DNAAF5: variants seen among roughly 807,000 people sequenced by gnomAD.
DNAAF5 encodes the protein HEAT repeat containing 2.
In DNAAF5, 64 loss-of-function variants were observed where a neutral mutation model predicts 75.8. That is an observed-to-expected ratio of 0.84 (90% confidence interval 0.69 to 1.04). DNAAF5 has a LOEUF of 1.04. Ranked by LOEUF, DNAAF5 falls within the 50% of genes least tolerant of loss-of-function variation. The probability of loss-of-function intolerance (pLI) is 0.00; values close to 1 mark genes in which losing one functional copy is unlikely to be tolerated. For missense variants in DNAAF5, 1,269 were observed against 1,178.5 expected, an observed-to-expected ratio of 1.08 and a Z score of -1.12; for synonymous variants, 657 against 557.2, an observed-to-expected ratio of 1.18 and a Z score of -2.52.
chr7:758,049 G>A (rs566676349), intron 6 of DNAAF5, among the ~76,000 whole-genome samples: 1 of 152,248 alleles, frequency 6.6e-6, no homozygotes, highest in South Asian at 2.1e-4. Context: ...AACGGAGCTG[G>A]GGTAAGGAAG....
chr7:732,293 C>T (rs1781611438), intron 2 of DNAAF5, among the ~76,000 whole-genome samples: 1 of 152,260 alleles, frequency 6.6e-6, no homozygotes, highest in South Asian at 2.1e-4. Context: ...ACACTGACCA[C>T]ACCCAGAACC....
chr7:779,368 G>A (rs1481734626), intron 11 of DNAAF5, among the ~76,000 whole-genome samples: 2 of 152,234 alleles, frequency 1.3e-5, no homozygotes. Context: ...ATTTCCGGAT[G>A]CTGCACAGAA....
Position 754,702 on chromosome 7 carries a change from G to A in DNAAF5, c.1138G>A (p.Ala380Thr), listed in dbSNP as rs199585063. ...GGTGGTGGGGACCCGAGTGAAGTCG[G>A]CACAGCTGCTCCCAGTGCTGCTGCT... Reference protein sequence around the residue: ...DWVVGTRVKSAQLLPVLLLHA... With the variant: ...DWVVGTRVKSTQLLPVLLLHA... Residue 380 changes from alanine to threonine, a missense_variant, in exon 5 of 13, where the codon GCA becomes ACA. Coordinates refer to ENST00000297440, the MANE Select transcript of DNAAF5 (RefSeq NM_017802.4). The surrounding 1 kb of genome is among the most constrained non-coding windows in gnomAD (Gnocchi z 4.8). 1.6e-5 allele frequency: 26 copies of A among 1,613,842 alleles called. No individual in the cohort carries two copies. Among genetic ancestry groups the A allele is most frequent in the South Asian group, 1.1e-5 (1 of 91,094 alleles).
chr7:760,692 G>A (rs749732740), intron 6 of DNAAF5, among the ~76,000 whole-genome samples: 2 of 152,184 alleles, frequency 1.3e-5, no homozygotes, highest in Non-Finnish European at 1.5e-5. Flanking sequence ...GTAAGCACAC[G>A]CAAAGCCTTA....
chr7:770,549 T>C lies in DNAAF5; in HGVS notation c.1862T>C (p.Met621Thr), dbSNP rs1197760313. The C allele has an allele frequency of 6.2e-7, 1 of 1,613,856 alleles. No homozygotes were observed. The highest frequency in any genetic ancestry group is 1.7e-5 in the Admixed American group (1 of 60,008). The change falls in exon 9 of 13, where the codon ATG becomes ACG. Residue 621 changes from methionine (M) to threonine (T), a missense_variant. Coordinates refer to ENST00000297440, the MANE Select transcript of DNAAF5 (RefSeq NM_017802.4). ...ACLQPSQDPQ[M>T]RLKLFSILST... ...CTGCAGCCCTCCCAAGACCCGCAGA[T>C]GCGCCTGAAGCTGTTCTCCATCCTG...
intron 6 of DNAAF5, among the ~76,000 whole-genome samples, chr7:761,265 T>C (rs1782633843): frequency 6.6e-6 from 1 of 152,196 alleles, no homozygotes; most frequent in Non-Finnish European, 1.5e-5. Flanking sequence ...GGGCTCTCCC[T>C]GCAAGGGCTC....
chr7:769,073 C>T lies in DNAAF5; in HGVS notation c.1784-1398C>T, dbSNP rs1778460172. ...CGCGAGGCCTGACTTCGAGCCAGAGCAGCGAGTACATTGCGTCTCCGTGTG... is the reference window on the plus strand; with the variant it reads ...CGCGAGGCCTGACTTCGAGCCAGAGTAGCGAGTACATTGCGTCTCCGTGTG... On this transcript the variant is annotated intron_variant, in intron 8 of 12. Coordinates refer to ENST00000297440, the MANE Select transcript of DNAAF5 (RefSeq NM_017802.4). 9 of 699,868 alleles carry T rather than the reference C, an allele frequency of 1.3e-5. 1 individual carries two copies. In the South Asian group the frequency reaches 1.3e-4, roughly 10 times the overall value. The allele number at this position is 699,868 out of a possible 1,614,324, so 43.4% of individuals were successfully genotyped here.
At chr7:740,543 A>ATG (rs924826613) in intron 2 of DNAAF5, among the ~76,000 whole-genome samples, 18 of 152,106 alleles carry the variant, frequency 1.2e-4, no homozygotes, top group African/African-American at 4.1e-4. Context: ...GGCACGGGGT[A>ATG]TGTGTGTGTG....
At chr7:730,810 AC>A (rs11460966) in intron 2 of DNAAF5, among the ~76,000 whole-genome samples, 99,084 of 151,818 alleles carry the variant, frequency 0.65, 32,587 homozygotes, top group Middle Eastern at 0.8. Context: ...GCCTTTGTTC[AC>A]CCCCCTTGGT....
chr7:775,529 T>C (rs1225872304), intron 11 of DNAAF5, among the ~76,000 whole-genome samples: 1 of 152,126 alleles, frequency 6.6e-6, no homozygotes, highest in Non-Finnish European at 1.5e-5. Flanking sequence ...TGTGTGTGTG[T>C]GTGTGTGTGT....
intron 7 of DNAAF5, 80 bp downstream of exon 7, chr7:761,976 T>C: frequency 6.9e-6 from 2 of 290,624 alleles, no homozygotes; most frequent in Non-Finnish European, 1.0e-5. Flanking sequence ...GTGAACTGTC[T>C]CCTATGCATC....
At chr7:768,830 T>C (rs928818793) in intron 8 of DNAAF5, 1 of 313,732 alleles carries the variant, frequency 3.2e-6, no homozygotes, top group African/African-American at 2.1e-5. Flanking sequence ...CTTTTTGTTT[T>C]TAAGCCAGAA....
chr7:753,487 G>A (rs1334986330), intron 4 of DNAAF5, among the ~76,000 whole-genome samples: 2 of 152,250 alleles, frequency 1.3e-5, no homozygotes, highest in African/African-American at 2.4e-5. Flanking sequence ...GAAGCCGGGC[G>A]AAGGACGCAG....
intron 4 of DNAAF5, among the ~76,000 whole-genome samples, chr7:748,745 C>G (rs1233509579): frequency 6.6e-6 from 1 of 152,196 alleles, no homozygotes; most frequent in Admixed American, 6.5e-5. Flanking sequence ...CACCCAGAGG[C>G]GGTGAGCCAG....
intron 8 of DNAAF5, 25 bp from the exon 9 acceptor site, chr7:770,446 C>G (rs1778517561): frequency 6.2e-7 from 1 of 1,607,506 alleles, no homozygotes; most frequent in Admixed American, 1.7e-5. Flanking sequence ...GGGCCGTGCA[C>G]AGGAGCCTCT....
At chr7:783,328 G>A (rs1256489756) in intron 12 of DNAAF5, among the ~76,000 whole-genome samples, 2 of 152,194 alleles carry the variant, frequency 1.3e-5, no homozygotes, top group Non-Finnish European at 2.9e-5. Context: ...GGCAGGTGAA[G>A]CCGTGTGCTC....
intron 4 of DNAAF5, among the ~76,000 whole-genome samples, chr7:743,944 TTATTA>T (rs984437031): frequency 6.0e-5 from 9 of 150,676 alleles, no homozygotes; most frequent in African/African-American, 2.2e-4. Context: ...TTATTTTATT[TTATTA>T]TTATTATACT....
chr7:785,504 TTC>T lies in DNAAF5; in HGVS notation c.2432-11_2432-10del. On this transcript the variant is annotated splice_polypyrimidine_tract_variant and intron_variant, in intron 12 of 12. Transcript: ENST00000297440. ...TGTTTCTGGCATGTTCAAGGTGTTT[TTC>T]TGTTTTACAGAGGTCCTCAAAGAGG... 6.2e-7 allele frequency: 1 copy of T among 1,612,078 alleles called. No homozygotes were observed. Among genetic ancestry groups the T allele is most frequent in the Non-Finnish European group, 8.5e-7 (1 of 1,178,610 alleles).
chr7:775,764 C>T (rs1237761420), intron 11 of DNAAF5, among the ~76,000 whole-genome samples: 2 of 152,282 alleles, frequency 1.3e-5, no homozygotes, highest in East Asian at 1.9e-4. Flanking sequence ...GTGAAGGAAG[C>T]GTCGTGTGGA....
Sources: gnomAD v4.1 joint callset for allele counts (sites outside exome capture counted in the v4.1 genomes callset) on GRCh38, gnomAD v4.1.1 for gene constraint, Gnocchi (gnomAD v3.1) non-coding constraint, MANE v1.5 for transcripts, NCBI Gene and HGNC (gene_info 2026-07-23, HGNC 2026-07-21) for gene names.